The following RAD51B variants were observed in gnomAD, a reference collection of about 807,000 sequenced individuals.
RAD51B encodes DNA repair protein RAD51 homolog 2.
In RAD51B, 38 loss-of-function variants were observed where a neutral mutation model predicts 42.2. The observed-to-expected ratio is 0.90, with a 90% CI of 0.70 to 1.18. The LOEUF (loss-of-function observed/expected upper bound fraction) is 1.18, where lower values mean the gene tolerates loss of function less well. RAD51B is among the 50% of genes most tolerant of loss of function. The pLI is 0.00. For missense variants in RAD51B, 373 were observed against 400.7 expected (o/e 0.93, Z 0.59); for synonymous variants, 154 against 145.2 (o/e 1.06, Z -0.43).
At chr14:68,469,358 C>G (rs2086064958) in intron 10 of RAD51B, among the ~76,000 whole-genome samples, 1 of 152,222 alleles carries the variant, frequency 6.6e-6, no homozygotes, top group Admixed American at 6.5e-5. Context: ...CCCTTTCCTT[C>G]CCCTTCTAAA....
chr14:68,112,608 G>A (rs1178031565), intron 7 of RAD51B, among the ~76,000 whole-genome samples: 24 of 152,082 alleles, frequency 1.6e-4, no homozygotes, highest in Admixed American at 1.6e-3. Flanking sequence ...GATCATGCTG[G>A]GGTGATTGTT....
At chr14:67,870,214 AG>A (rs1179512217) in intron 5 of RAD51B, among the ~76,000 whole-genome samples, 104 of 152,056 alleles carry the variant, frequency 6.8e-4, no homozygotes, top group African/African-American at 2.5e-3. Flanking sequence ...AGACACACAT[AG>A]GCTCAAAATA....
intron 7 of RAD51B, among the ~76,000 whole-genome samples, chr14:67,989,019 C>T (rs1318737697): frequency 6.6e-6 from 1 of 152,140 alleles, no homozygotes; most frequent in Non-Finnish European, 1.5e-5. Context: ...GATTCCTATA[C>T]AATAAGTATT....
intron 7 of RAD51B, among the ~76,000 whole-genome samples, chr14:67,973,758 A>C (rs1027936934): frequency 2.0e-5 from 3 of 152,134 alleles, no homozygotes; most frequent in Non-Finnish European, 4.4e-5. Flanking sequence ...TTTATATTTT[A>C]AGTGGCAAAG....
chr14:68,352,369 A>C (rs1322385865), intron 8 of RAD51B, among the ~76,000 whole-genome samples: 2 of 152,222 alleles, frequency 1.3e-5, no homozygotes, highest in Non-Finnish European at 2.9e-5. Context: ...GAAAGCCAGC[A>C]GGAACCTAGA....
Position 67,887,032 on chromosome 14 carries a change from TG to T in RAD51B, c.586del (p.Glu196LysfsTer12). ...CDEVLQRIES[L>X]EEEIISKGIK... Reference sequence around the variant, plus strand: ...TTCTTCTTTTATAGGATTGAATCTTTGGAAGAAGAAATTATCTCAAAAGGAA... The same window carrying T: ...TTCTTCTTTTATAGGATTGAATCTTTGAAGAAGAAATTATCTCAAAAGGAA... On this transcript the variant is annotated frameshift_variant, in exon 7 of 11. Transcript: ENST00000471583. LOFTEE classifies it high-confidence loss of function. 1.3e-6 allele frequency: 2 copies of T among 1,501,040 alleles called. No individual in the cohort carries two copies. Among genetic ancestry groups the T allele is most frequent in the South Asian group, 2.5e-5 (2 of 79,728 alleles). 93.0% of individuals were successfully genotyped at this position (1,501,040 alleles called of 1,614,324 possible).
chr14:68,312,113 GT>G (rs1227176732), intron 8 of RAD51B, among the ~76,000 whole-genome samples: 1 of 151,198 alleles, frequency 6.6e-6, no homozygotes, highest in Admixed American at 6.6e-5. Flanking sequence ...AGAAATGTGT[GT>G]TTTTTTTTGT....
intron 7 of RAD51B, among the ~76,000 whole-genome samples, chr14:67,929,545 A>G (rs1311404174): frequency 6.6e-6 from 1 of 152,306 alleles, no homozygotes; most frequent in East Asian, 1.9e-4. Flanking sequence ...AGAAAAATGT[A>G]TATTCTACAG....
chr14:68,618,132 T>C (rs1370166632), intron 10 of RAD51B, among the ~76,000 whole-genome samples: 1 of 152,026 alleles, frequency 6.6e-6, no homozygotes, highest in Non-Finnish European at 1.5e-5. Context: ...AGGCAAAAAA[T>C]TTTGGAAATT....
chr14:68,611,334 G>A (rs1227243628), exon 11 of RAD51B: 3 of 680,010 alleles, frequency 4.4e-6, no homozygotes, highest in African/African-American at 3.5e-5. Context: ...CTCCAGGGAA[G>A]TTGCTTCCTT....
At chr14:68,126,379 A>T (rs1203890224) in intron 7 of RAD51B, among the ~76,000 whole-genome samples, 2 of 152,210 alleles carry the variant, frequency 1.3e-5, no homozygotes, top group Non-Finnish European at 2.9e-5. Flanking sequence ...CAGTTACAAA[A>T]TTACTTTCCT....
At chr14:68,275,592 CA>C (rs1166238503) in intron 7 of RAD51B, among the ~76,000 whole-genome samples, 2 of 152,134 alleles carry the variant, frequency 1.3e-5, no homozygotes, top group Non-Finnish European at 2.9e-5. Context: ...ATGGATGACA[CA>C]CAGTCACACA....
chr14:68,366,528 T>A (rs1469790069), intron 8 of RAD51B, among the ~76,000 whole-genome samples: 1 of 152,226 alleles, frequency 6.6e-6, no homozygotes, highest in Non-Finnish European at 1.5e-5. Flanking sequence ...TTAGTCTGCC[T>A]CGTGTCCCTG....
chr14:68,494,939 C>T (rs760752429), intron 10 of RAD51B, among the ~76,000 whole-genome samples: 6 of 152,164 alleles, frequency 3.9e-5, no homozygotes, highest in Non-Finnish European at 5.9e-5. Flanking sequence ...AGCTCCACAG[C>T]GCATCAGTTC....
intron 10 of RAD51B, chr14:68,628,398 G>GCA (rs1245804271): frequency 6.6e-6 from 1 of 152,280 alleles, no homozygotes; most frequent in Non-Finnish European, 1.5e-5. Context: ...GTCGCCGCGC[G>GCA]CATGCGCACT....
intron 7 of RAD51B, among the ~76,000 whole-genome samples, chr14:68,128,325 G>A (rs1259538027): frequency 1.3e-5 from 2 of 152,136 alleles, no homozygotes; most frequent in African/African-American, 4.8e-5. Context: ...CAATTAGATC[G>A]CAAGAGGAGT....
intron 7 of RAD51B, among the ~76,000 whole-genome samples, chr14:67,924,337 T>C (rs1173212030): frequency 2.0e-5 from 3 of 152,224 alleles, no homozygotes; most frequent in Non-Finnish European, 1.5e-5. Context: ...TCCAATGTTA[T>C]CTGCTAGAAT....
chr14:68,366,406 C>T (rs1009371809), intron 8 of RAD51B, among the ~76,000 whole-genome samples: 4 of 152,112 alleles, frequency 2.6e-5, no homozygotes, highest in African/African-American at 9.7e-5. Context: ...ACAACAACAA[C>T]AAAAATAACT....
intron 7 of RAD51B, among the ~76,000 whole-genome samples, chr14:68,198,359 A>C (rs746431761): frequency 6.6e-6 from 1 of 152,302 alleles, no homozygotes; most frequent in East Asian, 1.9e-4. Flanking sequence ...ACTAAGTCTT[A>C]ATATCAGGTA....
Sources: gnomAD v4.1 joint callset for allele counts (sites outside exome capture counted in the v4.1 genomes callset) on GRCh38, gnomAD v4.1.1 for gene constraint, MANE v1.5 for transcripts, NCBI Gene and HGNC (gene_info 2026-07-23, HGNC 2026-07-21) for gene names.